The following KRCC1 variants were observed in gnomAD, a reference collection of about 807,000 sequenced individuals.
KRCC1 encodes lysine rich coiled-coil 1, also known as lysine-rich coiled-coil protein 1.
KRCC1 carries 3 observed loss-of-function variants against 7.4 expected under a neutral mutation model. The observed-to-expected ratio is 0.40, with a 90% CI of 0.18 to 1.04. KRCC1 has a LOEUF of 1.04. Ranked by LOEUF, KRCC1 falls within the 50% of genes least tolerant of loss-of-function variation. The pLI, the probability that KRCC1 is intolerant of heterozygous loss-of-function variation, is 0.33. For missense variants in KRCC1, 277 were observed against 300.9 expected, an observed-to-expected ratio of 0.92 and a Z score of 0.59; for synonymous variants, 102 against 101.6, an observed-to-expected ratio of 1.00 and a Z score of -0.02.
intron 1 of KRCC1, among the ~76,000 whole-genome samples, chr2:88,038,199 G>A (rs1673132422): frequency 6.6e-6 from 1 of 152,132 alleles, no homozygotes; most frequent in African/African-American, 2.4e-5. Flanking sequence ...TTACTGTAAG[G>A]AAGGAATTAA....
intron 1 of KRCC1, among the ~76,000 whole-genome samples, chr2:88,049,344 T>C (rs1392749651): frequency 1.3e-5 from 2 of 152,170 alleles, no homozygotes; most frequent in Non-Finnish European, 2.9e-5. Flanking sequence ...TTCCTTCTAA[T>C]GGGTTAGTTA....
At chr2:88,037,850 G>C (rs1024514527) in intron 1 of KRCC1, among the ~76,000 whole-genome samples, 2 of 152,198 alleles carry the variant, frequency 1.3e-5, no homozygotes, top group African/African-American at 2.4e-5. Flanking sequence ...AACTTTTGCT[G>C]AAAGTGTTTC....
chr2:88,040,407 C>T (rs899272511), intron 1 of KRCC1, among the ~76,000 whole-genome samples: 1 of 152,128 alleles, frequency 6.6e-6, no homozygotes, highest in Non-Finnish European at 1.5e-5. Context: ...CTTTATTAAA[C>T]TTTATCACTA....
chr2:88,042,090 T>TC (rs1673223614), intron 1 of KRCC1, among the ~76,000 whole-genome samples: 1 of 141,650 alleles, frequency 7.1e-6, no homozygotes, highest in Middle Eastern at 3.4e-3. Context: ...AGATGTAGTC[T>TC]CCCTCTGTCC....
At chr2:88,041,341 T>C (rs1370319593) in intron 1 of KRCC1, among the ~76,000 whole-genome samples, 1 of 151,994 alleles carries the variant, frequency 6.6e-6, no homozygotes, top group East Asian at 1.9e-4. Context: ...ACTGTTGTTG[T>C]TATCCCCCAG....
chr2:88,053,717 C>T (rs958055892), intron 1 of KRCC1, among the ~76,000 whole-genome samples: 54 of 152,258 alleles, frequency 3.5e-4, no homozygotes, highest in African/African-American at 1.3e-3. Context: ...ACTCCTCCGC[C>T]AGTTCTCCAA....
chr2:88,029,707 T>C (rs919060780), intron 3 of KRCC1, among the ~76,000 whole-genome samples: 1 of 151,904 alleles, frequency 6.6e-6, no homozygotes, highest in Non-Finnish European at 1.5e-5. Flanking sequence ...CCATTTTTGT[T>C]TGCTTGATTC....
At chr2:88,039,160 G>A (rs769731488) in intron 1 of KRCC1, among the ~76,000 whole-genome samples, 2 of 151,950 alleles carry the variant, frequency 1.3e-5, no homozygotes, top group African/African-American at 2.4e-5. Context: ...AAATGAGTAG[G>A]GTCAAACATT....
intron 3 of KRCC1, among the ~76,000 whole-genome samples, 199 bp from the exon 4 acceptor site, chr2:88,028,784 G>C (rs762987476): frequency 2.6e-5 from 4 of 151,448 alleles, no homozygotes; most frequent in Admixed American, 6.6e-5. Flanking sequence ...CCGAGTAGCT[G>C]GGATTACAGG....
At chr2:88,048,101 G>A (rs767794950) in intron 1 of KRCC1, among the ~76,000 whole-genome samples, 28 of 118,194 alleles carry the variant, frequency 2.4e-4, no homozygotes, top group Non-Finnish European at 5.0e-4. Flanking sequence ...TTTTTTTTGA[G>A]ATGGGAGTTT....
In KRCC1 at chr2:88,028,429, C is replaced by A; in HGVS notation, c.135G>T (p.Gly45=). 1 of 1,614,114 alleles carries A rather than the reference C, an allele frequency of 6.2e-7. No individual in the cohort carries two copies. Among genetic ancestry groups the A allele is most frequent in the South Asian group, 1.1e-5 (1 of 91,084 alleles). Residue 45 remains glycine (G), a synonymous_variant, in exon 4 of 4, where the codon GGG becomes GGT. Transcript: ENST00000347055. ...GTCTGGAATTAACCTCTCCTTTGTA[C>A]CCACAGGTTTCCAAATAGTCCCCTT... ...KMKGDYLETC[G]YKGEVNSRPT...
chr2:88,051,453 T>C (rs926882781), intron 1 of KRCC1, among the ~76,000 whole-genome samples: 2 of 152,238 alleles, frequency 1.3e-5, no homozygotes, highest in Admixed American at 1.3e-4. Flanking sequence ...AAAAAAATTC[T>C]AGCTAAGTGC....
At chr2:88,045,539 A>G (rs2104621105) in intron 1 of KRCC1, among the ~76,000 whole-genome samples, 1 of 152,318 alleles carries the variant, frequency 6.6e-6, no homozygotes, top group East Asian at 1.9e-4. Flanking sequence ...TAATAGCAGC[A>G]GATCAATGGT....
chr2:88,042,266 T>C (rs1342816335), intron 1 of KRCC1, among the ~76,000 whole-genome samples: 1 of 152,112 alleles, frequency 6.6e-6, no homozygotes, highest in Admixed American at 6.6e-5. Context: ...TTCACTGTGT[T>C]AGCCAAGATG....
intron 1 of KRCC1, among the ~76,000 whole-genome samples, chr2:88,039,034 C>T (rs1213099428): frequency 1.3e-5 from 2 of 151,980 alleles, no homozygotes; most frequent in African/African-American, 2.4e-5. Context: ...ATTAGTAAAC[C>T]TGATGCGTTT....
chr2:88,034,655 C>A (rs1406439606), intron 2 of KRCC1, among the ~76,000 whole-genome samples: 1 of 152,128 alleles, frequency 6.6e-6, no homozygotes, highest in East Asian at 1.9e-4. Context: ...TAATCTTTTA[C>A]AGCTACTTTT....
chr2:88,028,155 A>G lies in KRCC1; in HGVS notation c.409T>C (p.Tyr137His). ...CGSHGVEHRV[Y>H]KHFSSDNSTS... Reference sequence around the variant, plus strand: ...CTGTTATCTGAGGAGAAGTGCTTGTAAACTCTATGTTCTACACCATGTGAG... The same window carrying G: ...CTGTTATCTGAGGAGAAGTGCTTGTGAACTCTATGTTCTACACCATGTGAG... Residue 137 changes from tyrosine (Y) to histidine (H), a missense_variant, in exon 4 of 4, where the codon TAC becomes CAC. Transcript: ENST00000347055. 1 of 1,614,048 alleles carries G rather than the reference A, an allele frequency of 6.2e-7. No homozygotes were observed. Among genetic ancestry groups the G allele is most frequent in the Non-Finnish European group, 8.5e-7 (1 of 1,180,008 alleles).
chr2:88,048,365 T>C (rs1202882640), intron 1 of KRCC1, among the ~76,000 whole-genome samples: 1 of 152,176 alleles, frequency 6.6e-6, no homozygotes, highest in African/African-American at 2.4e-5. Context: ...TACAGGTGTA[T>C]TGGGCCTGGC....
At chr2:88,046,416 G>A (rs1195732552) in intron 1 of KRCC1, among the ~76,000 whole-genome samples, 1 of 152,162 alleles carries the variant, frequency 6.6e-6, no homozygotes, top group Admixed American at 6.5e-5. Context: ...AGTGCTGTAT[G>A]GATGAACTAT....
Sources: allele counts gnomAD v4.1 joint callset (sites outside exome capture counted in the v4.1 genomes callset), GRCh38; gene constraint gnomAD v4.1.1; transcripts MANE v1.5; gene names NCBI Gene and HGNC (gene_info 2026-07-23, HGNC 2026-07-21).